Variants in KLHL32 observed in about 807,000 individuals in gnomAD.
The protein encoded by KLHL32 is kelch-like protein 32.
A neutral mutation model predicts 64.8 loss-of-function variants in KLHL32; 35 were observed. That is an observed-to-expected ratio of 0.54 (90% confidence interval 0.41 to 0.72). The LOEUF (loss-of-function observed/expected upper bound fraction) is 0.72. Ranked by LOEUF, KLHL32 falls within the 30% of genes least tolerant of loss-of-function variation. The probability of loss-of-function intolerance (pLI) is 0.00; values close to 1 mark genes in which losing one functional copy is unlikely to be tolerated. For missense variants in KLHL32, 589 were observed against 768.5 expected, an observed-to-expected ratio of 0.77 and a Z score of 2.76; for synonymous variants, 259 against 281.0, an observed-to-expected ratio of 0.92 and a Z score of 0.78.
At chr6:96,915,944 A>G in the KLHL32 span, among the ~76,000 whole-genome samples, 3 of 152,222 alleles carry the variant, frequency 2.0e-5, no homozygotes, top group Non-Finnish European at 4.4e-5. Context: ...AAAAAGAAAG[A>G]GATCAACCAT....
At chr6:96,997,186 G>A (rs532499360) in intron 3 of KLHL32, among the ~76,000 whole-genome samples, 1 of 152,140 alleles carries the variant, frequency 6.6e-6, no homozygotes, top group Non-Finnish European at 1.5e-5. Flanking sequence ...AAATGAGGAA[G>A]GCTATGTGTA....
chr6:97,057,331 G>C (rs1380605100), intron 4 of KLHL32, among the ~76,000 whole-genome samples: 4 of 126,738 alleles, frequency 3.2e-5, no homozygotes, highest in Admixed American at 8.7e-5. Context: ...CTACAGGCAC[G>C]CGCCACCATG....
At chr6:96,973,444 G>T (rs777010682) in intron 2 of KLHL32, among the ~76,000 whole-genome samples, 23 of 152,090 alleles carry the variant, frequency 1.5e-4, no homozygotes, top group Non-Finnish European at 3.1e-4. Context: ...AACATTTAAG[G>T]TGATATAAAA....
In KLHL32 at chr6:97,113,913, C is replaced by G; in HGVS notation, c.758C>G (p.Ala253Gly). 6.2e-7 allele frequency: 1 copy of G among 1,614,144 alleles called. No individual in the cohort carries two copies. The highest frequency in any genetic ancestry group is 8.5e-7 in the Non-Finnish European group (1 of 1,180,030). Residue 253 changes from alanine (A) to glycine (G), a missense_variant, in exon 7 of 11, where the codon GCA (alanine) becomes GGA (glycine). Physicochemically the swap from Ala to Gly is moderately conservative, Grantham distance 60. Coordinates refer to ENST00000369261, the MANE Select transcript of KLHL32 (RefSeq NM_052904.4). ...GCCCTGTCCCACCCCCTTGTCCAAG[C>G]AAGTGAGACTGCAACAGCCCTTGTC... ...TVALSHPLVQ[A>G]SETATALVNE... is the part of the protein sequence containing the mutation.
intron 3 of KLHL32, among the ~76,000 whole-genome samples, chr6:96,981,954 A>T (rs1406340604): frequency 1.3e-5 from 2 of 151,866 alleles, no homozygotes; most frequent in Non-Finnish European, 2.9e-5. Context: ...TTTGCTGAGG[A>T]TTGTTTTATG....
chr6:96,980,087 T>C (rs1198299981), intron 3 of KLHL32, among the ~76,000 whole-genome samples: 1 of 152,158 alleles, frequency 6.6e-6, no homozygotes, highest in Non-Finnish European at 1.5e-5. Flanking sequence ...GAGTTCTAAG[T>C]ATGGAATCAC....
intron 3 of KLHL32, among the ~76,000 whole-genome samples, chr6:97,017,729 T>A (rs78838555): frequency 0.011 from 1,668 of 152,248 alleles, 33 homozygotes; most frequent in African/African-American, 0.039. Flanking sequence ...CCAGTCCCAC[T>A]TGTATCTAGG....
At chr6:97,035,905 C>T (rs182422127) in intron 3 of KLHL32, among the ~76,000 whole-genome samples, 2 of 152,134 alleles carry the variant, frequency 1.3e-5, no homozygotes, top group African/African-American at 4.8e-5. Flanking sequence ...GTAATTATTC[C>T]TTTTCAATAA....
At chr6:97,026,029 G>GAA (rs1398961434) in intron 3 of KLHL32, among the ~76,000 whole-genome samples, 1 of 151,894 alleles carries the variant, frequency 6.6e-6, no homozygotes, top group Admixed American at 6.6e-5. Flanking sequence ...TCACCCAAGA[G>GAA]AAAATGAAGA....
At chr6:96,950,887 C>A (rs920334297) in intron 1 of KLHL32, among the ~76,000 whole-genome samples, 5 of 152,036 alleles carry the variant, frequency 3.3e-5, no homozygotes, top group Non-Finnish European at 5.9e-5. Context: ...TATCTGAGAG[C>A]CCATGAGATG....
In KLHL32 at chr6:97,137,483, T is replaced by A. The variant is rs910232845; in HGVS notation, c.1702-1638T>A. Among the ~76,000 whole-genome samples, 7 of 152,274 alleles carry A rather than the reference T, an allele frequency of 4.6e-5. No individual in the cohort carries two copies. In the South Asian group the frequency reaches 1.0e-3, roughly 23 times the overall value. On this transcript the variant is annotated intron_variant, in intron 10 of 10. Transcript: ENST00000369261. ...AATTTCCTCCTTTGTGAAACATGGA[T>A]CCCCAAATTTCAAGGGCCCATTTCC...
In KLHL32 at chr6:96,989,712, TC is replaced by T. The variant is rs148363033; in HGVS notation, c.204+13542del. 3.2e-4 allele frequency among the ~76,000 whole-genome samples: 49 copies of T among 152,210 alleles called. 1 individual carries two copies. The highest frequency in any genetic ancestry group is 1.0e-3 in the Admixed American group (16 of 15,284). On this transcript the variant is annotated intron_variant, in intron 3 of 10. Coordinates refer to ENST00000369261, the MANE Select transcript of KLHL32 (RefSeq NM_052904.4). ...AATATGTTTTCCAAGTTGCTTTTTC[TC>T]CCCCCCTCTCTTCCAGGGATACCAA...
chr6:97,072,821 A>G (rs1790959147), intron 5 of KLHL32, among the ~76,000 whole-genome samples: 1 of 152,060 alleles, frequency 6.6e-6, no homozygotes, highest in Non-Finnish European at 1.5e-5. Flanking sequence ...ATTATGGGCA[A>G]TCTTCTGGGA....
At chr6:97,098,304 C>T (rs777612206) in intron 6 of KLHL32, among the ~76,000 whole-genome samples, 3 of 152,026 alleles carry the variant, frequency 2.0e-5, no homozygotes, top group African/African-American at 4.8e-5. Context: ...GCATAGTGGT[C>T]TCATCATATA....
rs182818304 is a variant in KLHL32, at chr6:97,106,658, C to T, written c.628-7125C>T. Among the ~76,000 whole-genome samples the T allele has an allele frequency of 1.1e-4, 16 of 151,710 alleles. No homozygotes were observed. The East Asian group carries it at 2.5e-3, about 24-fold the overall frequency. Reference sequence around the variant, plus strand: ...ACTTGGGAGGCTGAGACAGGAGAATCGCTTGAGCCTGGGAGGCAGAAGTCG... The same window carrying T: ...ACTTGGGAGGCTGAGACAGGAGAATTGCTTGAGCCTGGGAGGCAGAAGTCG... On this transcript the variant is annotated intron_variant, in intron 6 of 10. Coordinates refer to ENST00000369261, the MANE Select transcript of KLHL32 (RefSeq NM_052904.4).
upstream of KLHL32, among the ~76,000 whole-genome samples, chr6:96,921,338 G>C (rs1244052167): frequency 6.6e-6 from 1 of 152,190 alleles, no homozygotes; most frequent in Non-Finnish European, 1.5e-5. Context: ...ACATGAAATA[G>C]TTTAACAGTA....
At chr6:96,957,823 T>A (rs1342463149) in intron 1 of KLHL32, among the ~76,000 whole-genome samples, 1 of 152,234 alleles carries the variant, frequency 6.6e-6, no homozygotes, top group Non-Finnish European at 1.5e-5. Context: ...TTATCCTTAT[T>A]CTTATATAAA....
intron 3 of KLHL32, among the ~76,000 whole-genome samples, chr6:97,040,254 T>A (rs1190946447): frequency 2.0e-5 from 3 of 152,128 alleles, no homozygotes; most frequent in African/African-American, 7.2e-5. Flanking sequence ...AAAATTGAAT[T>A]CTCTTTATAT....
At chr6:97,014,407 T>C (rs2128096913) in intron 3 of KLHL32, among the ~76,000 whole-genome samples, 1 of 152,126 alleles carries the variant, frequency 6.6e-6, no homozygotes, top group Admixed American at 6.5e-5. Context: ...ATAGTATGTC[T>C]ATATAATTTA....
Sources: allele counts gnomAD v4.1 joint callset (sites outside exome capture counted in the v4.1 genomes callset), GRCh38; gene constraint gnomAD v4.1.1; transcripts MANE v1.5; gene names NCBI Gene and HGNC (gene_info 2026-07-23, HGNC 2026-07-21).